Variants in FUBP3 observed in about 807,000 individuals in gnomAD.
FUBP3 encodes the protein far upstream element binding protein 3, also known as far upstream element-binding protein 3.
In FUBP3, 28 loss-of-function variants were observed where a neutral mutation model predicts 85.6. The ratio of observed to expected loss-of-function variants is 0.33; its 90% confidence interval spans 0.24 to 0.45. The LOEUF (loss-of-function observed/expected upper bound fraction) is 0.45, where lower values mean the gene tolerates loss of function less well. Among genes scored for constraint, FUBP3 ranks in the 20% least tolerant of loss-of-function variants. The probability of loss-of-function intolerance (pLI) is 1.00; values close to 1 mark genes in which losing one functional copy is unlikely to be tolerated. For missense variants in FUBP3, 583 were observed against 755.1 expected (o/e 0.77, Z 2.67); for synonymous variants, 271 against 271.4 (o/e 1.00, Z 0.01).
At chr9:130,595,665 C>T in intron 2 of FUBP3, 77 bp downstream of exon 2, 1 of 772,332 alleles carries the variant, frequency 1.3e-6, no homozygotes, top group Non-Finnish European at 2.4e-6. Flanking sequence ...CAGCCATTAC[C>T]TTAACGACTC....
At chr9:130,631,186 G>T in intron 13 of FUBP3, 1 of 1,171,914 alleles carries the variant, frequency 8.5e-7, no homozygotes, top group Non-Finnish European at 1.1e-6. Flanking sequence ...GGCAGATAAA[G>T]AAAGGGAGTG....
rs1376006607 is a variant in FUBP3 at position 130,616,603 on chromosome 9, A to C, written c.567+86A>C. 1 of 1,310,222 alleles carries C rather than the reference A, an allele frequency of 7.6e-7. No homozygotes were observed. Among genetic ancestry groups the C allele is most frequent in the Non-Finnish European group, 1.1e-6 (1 of 920,586 alleles). 81.2% of individuals were successfully genotyped at this position (1,310,222 alleles called of 1,614,324 possible). ...CCCAGGAGATCTGCTTACGGCTGGCATTCCCTGGCTGGGCTGGCTTTGTGC... is the reference window on the plus strand; with the variant it reads ...CCCAGGAGATCTGCTTACGGCTGGCCTTCCCTGGCTGGGCTGGCTTTGTGC... On this transcript the variant is annotated intron_variant, in intron 7 of 18. Transcript: ENST00000319725. This position sits in a 1 kb window ranked among gnomAD's most constrained non-coding sequence, Gnocchi z 4.7.
intron 1 of FUBP3, among the ~76,000 whole-genome samples, chr9:130,589,766 G>C (rs546553022): frequency 7.4e-6 from 1 of 134,462 alleles, no homozygotes; most frequent in East Asian, 2.2e-4. Context: ...GCTATGGTGT[G>C]GTGGCTTAAC....
intron 6 of FUBP3, among the ~76,000 whole-genome samples, chr9:130,615,022 G>A (rs781173230): frequency 1.3e-5 from 2 of 152,140 alleles, no homozygotes; most frequent in Admixed American, 6.5e-5. Context: ...ACTGCATTTG[G>A]GGACAGGGGT....
At chr9:130,636,932 C>T (rs191147495) in intron 18 of FUBP3, 82 bp from the exon 19 acceptor site, 28 of 1,189,192 alleles carry the variant, frequency 2.4e-5, no homozygotes, top group East Asian at 1.4e-4. Context: ...GCTCCCGTGA[C>T]GCGAGACCTG....
intron 2 of FUBP3, among the ~76,000 whole-genome samples, chr9:130,607,562 T>C (rs1253820017): frequency 1.3e-5 from 2 of 152,174 alleles, no homozygotes; most frequent in Non-Finnish European, 2.9e-5. Flanking sequence ...TTCAATTGAA[T>C]ATGATAGGTG....
chr9:130,595,623 G>A (rs2119027438), intron 2 of FUBP3, 35 bp downstream of exon 2: 2 of 902,454 alleles, frequency 2.2e-6, no homozygotes, highest in East Asian at 2.4e-5. Context: ...CTTTCAGGTG[G>A]TAGTGAACCT....
intron 2 of FUBP3, among the ~76,000 whole-genome samples, chr9:130,609,645 G>A (rs569541388): frequency 1.3e-5 from 2 of 152,348 alleles, no homozygotes; most frequent in African/African-American, 2.4e-5. Flanking sequence ...CAGAGCAGGA[G>A]GGAGGTAGGA....
At chr9:130,609,845 T>C (rs1317681397) in intron 2 of FUBP3, 109 bp from the exon 3 acceptor site, 11 of 827,598 alleles carry the variant, frequency 1.3e-5, no homozygotes, top group Non-Finnish European at 2.1e-5. Context: ...GTTTGCTTTC[T>C]TTCTGCCTTT....
intron 2 of FUBP3, chr9:130,596,621 C>A: frequency 2.4e-6 from 1 of 414,270 alleles, no homozygotes. Flanking sequence ...CTCGGCTTCC[C>A]AAGTAGCTGG....
At chr9:130,583,446 C>T (rs1031163927) in intron 1 of FUBP3, among the ~76,000 whole-genome samples, 1 of 152,190 alleles carries the variant, frequency 6.6e-6, no homozygotes, top group East Asian at 1.9e-4. Context: ...GTTCGCCCTG[C>T]GAGGCTCATT....
At chr9:130,605,902 C>T (rs373814393) in intron 2 of FUBP3, among the ~76,000 whole-genome samples, 4 of 133,876 alleles carry the variant, frequency 3.0e-5, no homozygotes, top group Non-Finnish European at 7.1e-5. Flanking sequence ...GAGAATCGCA[C>T]GAACCCGGGA....
intron 1 of FUBP3, among the ~76,000 whole-genome samples, chr9:130,580,006 T>G (rs1438088851): frequency 6.6e-6 from 1 of 152,216 alleles, no homozygotes; most frequent in Non-Finnish European, 1.5e-5. Context: ...AAGGGTTTGC[T>G]TAGAGCGTCT....
Position 130,632,002 on chromosome 9 carries a change from C to A in FUBP3, c.1413C>A (p.Asn471Lys). 2.5e-6 allele frequency: 4 copies of A among 1,612,066 alleles called. No homozygotes were observed. The highest frequency in any genetic ancestry group is 2.5e-6 in the Non-Finnish European group (3 of 1,178,072). The change falls in exon 15 of 19, where the codon AAC becomes AAA. Residue 471 changes from asparagine (N) to lysine (K), a missense_variant. Transcript: ENST00000319725. ...FPNMAAKVNG[N>K]PHSTPVSGPP... The stretch of plus-strand genomic sequence containing the variant: ...ACATGGCTGCCAAGGTGAATGGGAA[C>A]CCCCACAGCACCCCTGTGAGGTAGG...
At chr9:130,617,235 T>C (rs1411099785) in intron 7 of FUBP3, among the ~76,000 whole-genome samples, 2 of 152,202 alleles carry the variant, frequency 1.3e-5, no homozygotes. Context: ...GAATTATAAG[T>C]AAACTTTCTT....
At position 130,635,379 on chromosome 9, in the gene FUBP3, A is replaced by G. The variant is rs2119132906; in HGVS notation, c.1583-620A>G. Among the ~76,000 whole-genome samples the G allele has an allele frequency of 6.6e-6, 1 of 152,338 alleles. No homozygotes were observed. Among genetic ancestry groups the G allele is most frequent in the Admixed American group, 6.5e-5 (1 of 15,306 alleles). ...ACCGGAGGACTGAGGGCTTGTTTAA[A>G]GAGGTATCTCACGTGCCTTGTGTTT... On this transcript the variant is annotated intron_variant, in intron 17 of 18. Coordinates refer to ENST00000319725, the MANE Select transcript of FUBP3 (RefSeq NM_003934.2). This position sits in a 1 kb window ranked among gnomAD's most constrained non-coding sequence, Gnocchi z 4.3.
intron 2 of FUBP3, among the ~76,000 whole-genome samples, chr9:130,599,095 A>G (rs1485808282): frequency 6.6e-6 from 1 of 152,214 alleles, no homozygotes; most frequent in African/African-American, 2.4e-5. Context: ...GATTGAGACC[A>G]TCCTGGCTGA....
rs369831278 is a variant in FUBP3, at chr9:130,612,523, C to T, written c.274+18C>T. On this transcript the variant is annotated intron_variant, in intron 4 of 18. Coordinates refer to ENST00000319725, the MANE Select transcript of FUBP3 (RefSeq NM_003934.2). This position sits in a 1 kb window ranked among gnomAD's most constrained non-coding sequence, Gnocchi z 4.1. ...TGGATTTAGTAAGTATCCATGTTGT[C>T]TACTTTTTCCCTGATTCCTGTCTCT... 1 of 1,474,864 alleles carries T rather than the reference C, an allele frequency of 6.8e-7. No individual in the cohort carries two copies. 91.4% of individuals were successfully genotyped at this position (1,474,864 alleles called of 1,614,324 possible).
Position 130,616,456 on chromosome 9 carries a change from T to C in FUBP3, c.506T>C (p.Ile169Thr). 1.9e-6 allele frequency: 3 copies of C among 1,614,054 alleles called. No homozygotes were observed. The highest frequency in any genetic ancestry group is 2.5e-6 in the Non-Finnish European group (3 of 1,179,896). The change falls in exon 7 of 19, where the codon ATT becomes ACT. Residue 169 changes from isoleucine to threonine, a missense_variant. By Grantham distance (89) the Ile-to-Thr change is moderately conservative. Transcript: ENST00000319725. The surrounding 1 kb of genome is among the most constrained non-coding windows in gnomAD (Gnocchi z 4.7). Reference protein sequence around the residue: ...DSNSTIQEILIPASKVGLVIG... With the variant: ...DSNSTIQEILTPASKVGLVIG... ...AACAGCACAATCCAGGAGATTCTCATTCCCGCATCTAAAGTGGGTCTGGTC... is the reference window on the plus strand; with the variant it reads ...AACAGCACAATCCAGGAGATTCTCACTCCCGCATCTAAAGTGGGTCTGGTC...
Sources: allele counts gnomAD v4.1 joint callset (sites outside exome capture counted in the v4.1 genomes callset), GRCh38; gene constraint gnomAD v4.1.1; non-coding constraint Gnocchi (gnomAD v3.1); transcripts MANE v1.5; gene names NCBI Gene and HGNC (gene_info 2026-07-23, HGNC 2026-07-21).